SYCP1: variants seen among roughly 807,000 people sequenced by gnomAD.
SYCP1 encodes synaptonemal complex protein 1.
A neutral mutation model predicts 153.1 loss-of-function variants in SYCP1; 64 were observed. The ratio of observed to expected loss-of-function variants is 0.42; its 90% confidence interval spans 0.34 to 0.51. The LOEUF (loss-of-function observed/expected upper bound fraction) is 0.51, where lower values mean the gene tolerates loss of function less well. Among genes scored for constraint, SYCP1 ranks in the 20% least tolerant of loss-of-function variants. SYCP1 has a pLI of 0.06. For synonymous variants in SYCP1, 384 were observed against 341.8 expected (o/e 1.12, Z -1.36); for missense variants, 997 against 1,049.0 (o/e 0.95, Z 0.68).
chr1:114,911,479 A>G lies in SYCP1; in HGVS notation c.1426A>G (p.Lys476Glu), dbSNP rs1189298923. 2.6e-6 allele frequency: 4 copies of G among 1,543,686 alleles called. No individual in the cohort carries two copies. The highest frequency in any genetic ancestry group is 3.5e-6 in the Non-Finnish European group (4 of 1,150,502). ...ELIGLLQARE[K>E]EVHDLEIQLT... is the part of the protein sequence containing the mutation. ...ATAGTTATATATGTTTATTTTGCAG[A>G]AAGAAGTACATGATTTGGAAATACA... The change falls in exon 18 of 32, where the codon AAA becomes GAA. Residue 476 changes from lysine (K) to glutamate (E), a missense_variant and splice_region_variant. This residue lies in a region of SYCP1 where 712 missense variants were observed against 682.9 expected (regional missense o/e 1.04). Transcript: ENST00000369522.
intron 3 of SYCP1, among the ~76,000 whole-genome samples, chr1:114,856,921 C>CAAAAAAAAAAAA (rs758650224): frequency 5.4e-5 from 2 of 37,282 alleles, no homozygotes; most frequent in African/African-American, 1.1e-4. Context: ...CCTGTCTGTA[C>CAAAAAAAAAAAA]AAAAAAAAAA....
At chr1:114,928,419 C>T (rs1363669191) in intron 23 of SYCP1, among the ~76,000 whole-genome samples, 1 of 151,942 alleles carries the variant, frequency 6.6e-6, no homozygotes, top group East Asian at 1.9e-4. Flanking sequence ...AACCATCAAC[C>T]CAGAATTCTG....
chr1:114,907,099 C>CT (rs1432577772), intron 16 of SYCP1, among the ~76,000 whole-genome samples: 1 of 152,072 alleles, frequency 6.6e-6, no homozygotes, highest in Non-Finnish European at 1.5e-5. Flanking sequence ...TCTGATAATA[C>CT]TTTTTTGTTT....
intron 8 of SYCP1, among the ~76,000 whole-genome samples, chr1:114,862,582 A>G (rs1390954856): frequency 6.6e-6 from 1 of 151,120 alleles, no homozygotes; most frequent in Non-Finnish European, 1.5e-5. Flanking sequence ...TCTCTTGACC[A>G]CCTGCCTCGG....
chr1:114,969,344 G>A (rs1319544226), intron 27 of SYCP1, among the ~76,000 whole-genome samples: 1 of 152,156 alleles, frequency 6.6e-6, no homozygotes, highest in Non-Finnish European at 1.5e-5. Context: ...TGCCCAGAGA[G>A]GAGGAAACTA....
intron 16 of SYCP1, among the ~76,000 whole-genome samples, chr1:114,896,123 T>G (rs1265303153): frequency 1.3e-5 from 2 of 152,158 alleles, no homozygotes; most frequent in African/African-American, 2.4e-5. Flanking sequence ...GAAAACAGAC[T>G]GCAGGCTGAA....
intron 15 of SYCP1, among the ~76,000 whole-genome samples, chr1:114,893,705 T>C (rs2101588645): frequency 6.6e-6 from 1 of 152,308 alleles, no homozygotes; most frequent in South Asian, 2.1e-4. Flanking sequence ...GTATTCTTCT[T>C]TTCCCACTTG....
intron 12 of SYCP1, 139 bp downstream of exon 12, chr1:114,878,341 G>T: frequency 3.5e-6 from 2 of 563,684 alleles, no homozygotes; most frequent in Non-Finnish European, 3.2e-6. Context: ...GTTGGAGGAG[G>T]GCATAATAGA....
chr1:114,874,537 T>C lies in SYCP1; in HGVS notation c.630T>C (p.Val210=). ...YEYEREETRQ[V]YMDLNNNIEK... is the part of the protein sequence containing the mutation. Reference sequence around the variant, plus strand: ...ATGAACGGGAAGAAACCAGGCAAGTTTATATGGATCTAAATAATAACATTG... The same window carrying C: ...ATGAACGGGAAGAAACCAGGCAAGTCTATATGGATCTAAATAATAACATTG... The change falls in exon 9 of 32, where the codon GTT becomes GTC. Residue 210 remains valine (V), a synonymous_variant. Coordinates refer to ENST00000369522, the MANE Select transcript of SYCP1 (RefSeq NM_003176.4). The C allele has an allele frequency of 6.3e-7, 1 of 1,578,558 alleles. No individual in the cohort carries two copies. The highest frequency in any genetic ancestry group is 8.6e-7 in the Non-Finnish European group (1 of 1,160,450).
intron 20 of SYCP1, 86 bp downstream of exon 20, chr1:114,914,131 G>A (rs1668361323): frequency 1.2e-5 from 12 of 993,476 alleles, no homozygotes; most frequent in South Asian, 3.8e-5. Flanking sequence ...AATTTAAATT[G>A]GACTGCTGTT....
chr1:114,938,236 T>C (rs1356120465), intron 23 of SYCP1, among the ~76,000 whole-genome samples: 1 of 152,186 alleles, frequency 6.6e-6, no homozygotes, highest in Non-Finnish European at 1.5e-5. Flanking sequence ...GACGAGTTCA[T>C]GTCCTTTGTA....
At chr1:114,878,272 T>C in intron 12 of SYCP1, 70 bp downstream of exon 12, 1 of 1,063,506 alleles carries the variant, frequency 9.4e-7, no homozygotes, top group Admixed American at 2.3e-5. Flanking sequence ...ACATTGACTT[T>C]CATTACAAGT....
intron 15 of SYCP1, among the ~76,000 whole-genome samples, chr1:114,890,718 A>G (rs1201679656): frequency 6.6e-6 from 1 of 152,174 alleles, no homozygotes; most frequent in East Asian, 1.9e-4. Flanking sequence ...TCAAAACCAG[A>G]AATCTTGAAG....
At chr1:114,875,172 A>ATG (rs1491269949) in intron 9 of SYCP1, among the ~76,000 whole-genome samples, 4 of 123,684 alleles carry the variant, frequency 3.2e-5, no homozygotes, top group African/African-American at 1.1e-4. Context: ...CATGTATTTG[A>ATG]TATGTGTGTG....
intron 23 of SYCP1, among the ~76,000 whole-genome samples, chr1:114,937,218 C>G (rs1337717053): frequency 6.6e-6 from 1 of 152,098 alleles, no homozygotes; most frequent in Admixed American, 6.6e-5. Flanking sequence ...TGGAACAGAA[C>G]AGAGCCCTCA....
At chr1:114,951,237 G>A (rs1570844252) in intron 27 of SYCP1, among the ~76,000 whole-genome samples, 2 of 152,158 alleles carry the variant, frequency 1.3e-5, no homozygotes, top group Non-Finnish European at 2.9e-5. Flanking sequence ...TCTATTTTGG[G>A]CGTGTATCAC....
At chr1:114,911,620 C>G in intron 18 of SYCP1, 38 bp downstream of exon 18, 1 of 1,106,472 alleles carries the variant, frequency 9.0e-7, no homozygotes. Context: ...TTTATGTACT[C>G]AATTCCTAAG....
At position 114,911,461 on chromosome 1, in the gene SYCP1, T is replaced by C. The variant is rs1006252997; in HGVS notation, c.1426-18T>C. ...ATTCGAAAAACACTTGCCATAGTTATATATGTTTATTTTGCAGAAAGAAGT... is the reference window on the plus strand; with the variant it reads ...ATTCGAAAAACACTTGCCATAGTTACATATGTTTATTTTGCAGAAAGAAGT... On this transcript the variant is annotated intron_variant, in intron 17 of 31. Coordinates refer to ENST00000369522, the MANE Select transcript of SYCP1 (RefSeq NM_003176.4). The C allele has an allele frequency of 6.6e-7, 1 of 1,513,968 alleles. No homozygotes were observed. The highest frequency in any genetic ancestry group is 8.9e-7 in the Non-Finnish European group (1 of 1,126,838). 93.8% of individuals were successfully genotyped at this position (1,513,968 alleles called of 1,614,324 possible).
chr1:114,986,208 G>A (rs1257694630), intron 30 of SYCP1, among the ~76,000 whole-genome samples: 1 of 151,884 alleles, frequency 6.6e-6, no homozygotes, highest in Non-Finnish European at 1.5e-5. Context: ...AGTCACACAA[G>A]TATATTTTTC....
Sources: allele counts gnomAD v4.1 joint callset (sites outside exome capture counted in the v4.1 genomes callset), GRCh38; gene constraint gnomAD v4.1.1; regional missense constraint gnomAD v4.1.1; transcripts MANE v1.5; gene names NCBI Gene and HGNC (gene_info 2026-07-23, HGNC 2026-07-21).